TNFAIP8L3: variants seen among roughly 807,000 people sequenced by gnomAD.
TNFAIP8L3 encodes the protein tumor necrosis factor alpha-induced protein 8-like protein 3.
TNFAIP8L3 carries 7 observed loss-of-function variants against 11.8 expected under a neutral mutation model. The observed-to-expected ratio is 0.59, with a 90% CI of 0.34 to 1.11. The LOEUF (loss-of-function observed/expected upper bound fraction) is 1.11. Among genes scored for constraint, TNFAIP8L3 ranks in the 50% most tolerant of loss-of-function variants. The probability of loss-of-function intolerance (pLI) is 0.03; values close to 1 mark genes in which losing one functional copy is unlikely to be tolerated. For missense variants in TNFAIP8L3, 219 were observed against 258.6 expected (o/e 0.85, Z 1.05); for synonymous variants, 98 against 103.8 (o/e 0.94, Z 0.34).
At chr15:51,085,341 C>G (rs2065420035) in intron 1 of TNFAIP8L3, among the ~76,000 whole-genome samples, 1 of 152,094 alleles carries the variant, frequency 6.6e-6, no homozygotes. Context: ...AAATGCCTCT[C>G]AAGTATTAAA....
chr15:51,071,142 AACATAT>A (rs2065306663), intron 1 of TNFAIP8L3, among the ~76,000 whole-genome samples: 1 of 149,332 alleles, frequency 6.7e-6, no homozygotes, highest in African/African-American at 2.4e-5. Flanking sequence ...AATGCCTAAA[AACATAT>A]ACATAAACAT....
intron 1 of TNFAIP8L3, among the ~76,000 whole-genome samples, chr15:51,075,316 G>A (rs1171245590): frequency 6.6e-6 from 1 of 152,128 alleles, no homozygotes; most frequent in African/African-American, 2.4e-5. Flanking sequence ...CATCACCTGG[G>A]GGCCAGAGGG....
chr15:51,091,431 G>C (rs564292136), intron 1 of TNFAIP8L3, among the ~76,000 whole-genome samples: 3 of 152,218 alleles, frequency 2.0e-5, no homozygotes, highest in Non-Finnish European at 4.4e-5. Flanking sequence ...TTTACCAATG[G>C]AATGTGGGAG....
upstream of TNFAIP8L3, among the ~76,000 whole-genome samples, chr15:51,098,897 C>G (rs903688883): frequency 7.2e-5 from 11 of 152,178 alleles, no homozygotes; most frequent in African/African-American, 2.7e-4. Context: ...AAACAATCCT[C>G]TATTGTTGAG....
At chr15:51,087,960 T>TATATA (rs2065442300) in intron 1 of TNFAIP8L3, among the ~76,000 whole-genome samples, 1 of 137,630 alleles carries the variant, frequency 7.3e-6, no homozygotes, top group South Asian at 2.3e-4. Flanking sequence ...GGGAGGATAT[T>TATATA]TGCTCTCCTG....
chr15:51,068,942 G>C (rs2065290381), intron 1 of TNFAIP8L3, among the ~76,000 whole-genome samples: 1 of 152,130 alleles, frequency 6.6e-6, no homozygotes, highest in Non-Finnish European at 1.5e-5. Context: ...TGGGATTACA[G>C]GGGTGAGCCA....
chr15:51,092,325 G>T (rs1567296205), intron 1 of TNFAIP8L3, among the ~76,000 whole-genome samples: 1 of 152,224 alleles, frequency 6.6e-6, no homozygotes, highest in African/African-American at 2.4e-5. Context: ...CAAGTTTCTT[G>T]TAGAGACAAA....
At position 51,069,290 on chromosome 15, in the gene TNFAIP8L3, A is replaced by AT. The variant is rs141098038; in HGVS notation, c.53-10848dup. Among the ~76,000 whole-genome samples, 1,055 of 152,268 alleles carry AT rather than the reference A, an allele frequency of 6.9e-3. 15 individuals carry two copies. The highest frequency in any genetic ancestry group is 9.6e-3 in the East Asian group (50 of 5,182). ...ATTCATCCACAGGCTAGGAATGGGGATTTGTGTGTTTTGGGGGCACCAAAC... is the reference window on the plus strand; with the variant it reads ...ATTCATCCACAGGCTAGGAATGGGGATTTTGTGTGTTTTGGGGGCACCAAAC... On this transcript the variant is annotated intron_variant, in intron 1 of 1. Transcript: ENST00000637513.
intron 1 of TNFAIP8L3, among the ~76,000 whole-genome samples, chr15:51,070,862 C>T (rs1040648912): frequency 1.5e-4 from 22 of 147,336 alleles, no homozygotes; most frequent in African/African-American, 2.2e-4. Flanking sequence ...CCGGCTAAAA[C>T]GGTGAAACCC....
At chr15:51,089,723 T>C (rs1161459522) in intron 1 of TNFAIP8L3, among the ~76,000 whole-genome samples, 1 of 152,044 alleles carries the variant, frequency 6.6e-6, no homozygotes, top group Non-Finnish European at 1.5e-5. Flanking sequence ...TCTTAGGAGG[T>C]TCCTCAAGAT....
intron 1 of TNFAIP8L3, among the ~76,000 whole-genome samples, chr15:51,070,504 A>G (rs2065300889): frequency 1.3e-5 from 2 of 152,226 alleles, no homozygotes; most frequent in Non-Finnish European, 2.9e-5. Context: ...CAGCGATAGC[A>G]ATGGATGCAG....
At chr15:51,097,049 A>T (rs1157461130), upstream of TNFAIP8L3, among the ~76,000 whole-genome samples, 2 of 152,228 alleles carry the variant, frequency 1.3e-5, no homozygotes, top group South Asian at 4.1e-4. Flanking sequence ...TTCACAGAAC[A>T]GAGCATATGG....
chr15:51,062,925 A>C (rs80255169), intron 1 of TNFAIP8L3, among the ~76,000 whole-genome samples: 6,703 of 152,114 alleles, frequency 0.044, 487 homozygotes, highest in African/African-American at 0.15. Flanking sequence ...GGGAAGTGGG[A>C]GAGTGAGTTA....
At chr15:51,101,671 G>C (rs2065552381) in intron 1 of TNFAIP8L3, among the ~76,000 whole-genome samples, 1 of 151,124 alleles carries the variant, frequency 6.6e-6, no homozygotes, top group African/African-American at 2.4e-5. Context: ...TGTAGGCTGG[G>C]CGCCGTGGCT....
chr15:51,072,731 G>C (rs1366927784), intron 1 of TNFAIP8L3, among the ~76,000 whole-genome samples: 1 of 151,614 alleles, frequency 6.6e-6, no homozygotes, highest in Non-Finnish European at 1.5e-5. Flanking sequence ...TTCATATCAG[G>C]TTTCTATATT....
At chr15:51,102,589 T>C (rs1025414662) in intron 1 of TNFAIP8L3, among the ~76,000 whole-genome samples, 2 of 152,174 alleles carry the variant, frequency 1.3e-5, no homozygotes, top group African/African-American at 4.8e-5. Context: ...GGAAGAAATG[T>C]TCAAGGTCAC....
At chr15:51,090,191 C>A (rs1245844160) in intron 1 of TNFAIP8L3, among the ~76,000 whole-genome samples, 1 of 152,214 alleles carries the variant, frequency 6.6e-6, no homozygotes. Context: ...TTACCCAACA[C>A]AACATGTCAC....
chr15:51,081,402 T>C (rs2065391372), intron 1 of TNFAIP8L3, among the ~76,000 whole-genome samples: 1 of 152,206 alleles, frequency 6.6e-6, no homozygotes, highest in African/African-American at 2.4e-5. Context: ...GTGGAGGGGC[T>C]CAAGAAAGCT....
At chr15:51,080,631 G>A (rs572501729) in intron 1 of TNFAIP8L3, among the ~76,000 whole-genome samples, 1 of 152,228 alleles carries the variant, frequency 6.6e-6, no homozygotes, top group Admixed American at 6.5e-5. Context: ...CACAGACTTC[G>A]GCAAACCGCC....
Sources: allele counts gnomAD v4.1 joint callset (sites outside exome capture counted in the v4.1 genomes callset), GRCh38; gene constraint gnomAD v4.1.1; transcripts MANE v1.5; gene names NCBI Gene and HGNC (gene_info 2026-07-23, HGNC 2026-07-21).